The following LRRC4C variants were observed in gnomAD, a reference collection of about 807,000 sequenced individuals.
The protein encoded by LRRC4C is leucine-rich repeat-containing protein 4C.
LRRC4C carries 5 observed loss-of-function variants against 33.6 expected under a neutral mutation model. The observed-to-expected ratio is 0.15, with a 90% CI of 0.08 to 0.31. The LOEUF (loss-of-function observed/expected upper bound fraction) is 0.31. Among genes scored for constraint, LRRC4C ranks in the 10% least tolerant of loss-of-function variants. LRRC4C has a pLI of 1.00. For missense variants in LRRC4C, 560 were observed against 796.7 expected, an observed-to-expected ratio of 0.70 and a Z score of 3.58; for synonymous variants, 329 against 302.0, an observed-to-expected ratio of 1.09 and a Z score of -0.93.
At chr11:40,699,450 A>G (rs1316343657) in intron 2 of LRRC4C, among the ~76,000 whole-genome samples, 1 of 152,132 alleles carries the variant, frequency 6.6e-6, no homozygotes, top group Non-Finnish European at 1.5e-5. Context: ...CATGTTTATT[A>G]TGAGAATGAG....
chr11:41,372,785 C>CAA (rs33945657), intron 1 of LRRC4C, among the ~76,000 whole-genome samples: 2 of 118,058 alleles, frequency 1.7e-5, no homozygotes, highest in Admixed American at 1.7e-4. Context: ...AAGAGGGCAC[C>CAA]AAAAAAAAAA....
chr11:40,816,085 G>C (rs1951695228), intron 2 of LRRC4C, among the ~76,000 whole-genome samples: 1 of 152,134 alleles, frequency 6.6e-6, no homozygotes, highest in African/African-American at 2.4e-5. Context: ...TGAGAGACCT[G>C]GGTCCACCTG....
At chr11:41,253,830 C>T (rs1249832389) in intron 1 of LRRC4C, among the ~76,000 whole-genome samples, 1 of 152,074 alleles carries the variant, frequency 6.6e-6, no homozygotes, top group African/African-American at 2.4e-5. Context: ...AGTCAAAAGA[C>T]TAATGACGGC....
chr11:40,337,854 C>A (rs759874308), intron 3 of LRRC4C, among the ~76,000 whole-genome samples: 1 of 152,108 alleles, frequency 6.6e-6, no homozygotes, highest in Admixed American at 6.5e-5. Context: ...CTCTGATACG[C>A]CCCAGTGTGC....
At chr11:40,541,400 C>T (rs149257129) in intron 3 of LRRC4C, among the ~76,000 whole-genome samples, 2 of 152,108 alleles carry the variant, frequency 1.3e-5, no homozygotes, top group African/African-American at 4.8e-5. Flanking sequence ...AGCCACCACT[C>T]CTGGCTGTTT....
intron 3 of LRRC4C, among the ~76,000 whole-genome samples, chr11:40,497,986 G>T (rs1471095569): frequency 1.3e-5 from 2 of 152,084 alleles, no homozygotes; most frequent in Non-Finnish European, 2.9e-5. Flanking sequence ...TAATGAAATT[G>T]TACTACTCTT....
chr11:41,016,003 A>AAC (rs1855562596), intron 1 of LRRC4C, among the ~76,000 whole-genome samples: 2 of 152,134 alleles, frequency 1.3e-5, no homozygotes, highest in Non-Finnish European at 2.9e-5. Flanking sequence ...CCGTCTCAAA[A>AAC]AACAACAACA....
At chr11:40,940,369 G>A (rs900722229) in intron 1 of LRRC4C, among the ~76,000 whole-genome samples, 1 of 151,988 alleles carries the variant, frequency 6.6e-6, no homozygotes, top group Non-Finnish European at 1.5e-5. Flanking sequence ...TTTACCAAGC[G>A]GGAAACAATG....
At chr11:41,128,366 AT>A (rs1228413881) in intron 1 of LRRC4C, among the ~76,000 whole-genome samples, 1 of 152,136 alleles carries the variant, frequency 6.6e-6, no homozygotes, top group African/African-American at 2.4e-5. Flanking sequence ...TAATGCCTGA[AT>A]TAAACTGACT....
At chr11:41,032,579 T>A (rs903679286) in intron 1 of LRRC4C, among the ~76,000 whole-genome samples, 2 of 152,044 alleles carry the variant, frequency 1.3e-5, no homozygotes, top group African/African-American at 4.8e-5. Flanking sequence ...CCAAAATTGG[T>A]TCATCAATGG....
intron 3 of LRRC4C, among the ~76,000 whole-genome samples, chr11:40,399,419 A>C (rs1199650644): frequency 6.6e-6 from 1 of 152,112 alleles, no homozygotes; most frequent in African/African-American, 2.4e-5. Context: ...CATTCTCAGT[A>C]AACTATCACA....
At chr11:40,909,063 T>A (rs1035759563) in intron 2 of LRRC4C, among the ~76,000 whole-genome samples, 4 of 152,146 alleles carry the variant, frequency 2.6e-5, no homozygotes, top group Non-Finnish European at 4.4e-5. Flanking sequence ...ACTTTGTAGG[T>A]GTTATTTTCT....
intron 5 of LRRC4C, among the ~76,000 whole-genome samples, chr11:40,203,601 C>T (rs185297123): frequency 1.8e-4 from 28 of 152,218 alleles, no homozygotes; most frequent in Admixed American, 1.6e-3. Flanking sequence ...CTGATGAATG[C>T]AACTGCAAAA....
chr11:41,422,388 A>T (rs1417026086), intron 1 of LRRC4C, among the ~76,000 whole-genome samples: 1 of 152,082 alleles, frequency 6.6e-6, no homozygotes, highest in Non-Finnish European at 1.5e-5. Context: ...GAGATCTGCC[A>T]GTGGCAGGTC....
rs1592310613 is a variant in LRRC4C, at chr11:41,003,729, C to T, written c.-495-70006G>A. Among the ~76,000 whole-genome samples the T allele has an allele frequency of 5.9e-5, 9 of 151,714 alleles. 1 individual carries two copies. The South Asian group carries it at 1.9e-3, about 32-fold the overall frequency. ...GTCATCTGGTATGCCTTCATAAATA[C>T]TTTAGAGTATTATTCACTGTGCACA... On this transcript the variant is annotated intron_variant, in intron 1 of 6. Transcript: ENST00000528697.
At chr11:41,428,304 G>A (rs1272310145) in intron 1 of LRRC4C, among the ~76,000 whole-genome samples, 3 of 152,136 alleles carry the variant, frequency 2.0e-5, no homozygotes, top group African/African-American at 4.8e-5. Context: ...TTAGCTAATG[G>A]TGTGGATGTG....
At chr11:41,411,140 C>CTTTTTT (rs1249968357) in intron 1 of LRRC4C, among the ~76,000 whole-genome samples, 3 of 49,918 alleles carry the variant, frequency 6.0e-5, no homozygotes, top group East Asian at 8.7e-4. Flanking sequence ...GGTTGGTACC[C>CTTTTTT]TATTTTTTTT....
At position 41,001,760 on chromosome 11, in the gene LRRC4C, T is replaced by C. The variant is rs116251574; in HGVS notation, c.-495-68037A>G. Reference sequence around the variant, plus strand: ...ATTTAGCATAGCTTAGCTTGGCTACTCTTCACCTTGAACATGGATTAGGCA... The same window carrying C: ...ATTTAGCATAGCTTAGCTTGGCTACCCTTCACCTTGAACATGGATTAGGCA... On this transcript the variant is annotated intron_variant, in intron 1 of 6. Coordinates refer to ENST00000528697, the MANE Select transcript of LRRC4C (RefSeq NM_001258419.2). 1.5e-3 allele frequency among the ~76,000 whole-genome samples: 229 copies of C among 152,302 alleles called. 2 individuals carry two copies. The highest frequency in any genetic ancestry group is 5.4e-3 in the African/African-American group (224 of 41,576).
chr11:41,179,006 T>A (rs1405239346), intron 1 of LRRC4C, among the ~76,000 whole-genome samples: 2 of 152,122 alleles, frequency 1.3e-5, no homozygotes, highest in Non-Finnish European at 2.9e-5. Flanking sequence ...CGGCCAAGAA[T>A]CTGGTTTTTA....
Sources: gnomAD v4.1 joint callset for allele counts (sites outside exome capture counted in the v4.1 genomes callset) on GRCh38, gnomAD v4.1.1 for gene constraint, MANE v1.5 for transcripts, NCBI Gene and HGNC (gene_info 2026-07-23, HGNC 2026-07-21) for gene names.